Variants in CSMD1 observed in about 807,000 individuals in gnomAD.
CSMD1 encodes the protein CUB and sushi domain-containing protein 1.
A neutral mutation model predicts 417.5 loss-of-function variants in CSMD1; 213 were observed. That is an observed-to-expected ratio of 0.51 (90% CI 0.46 to 0.57). The LOEUF is 0.57. CSMD1 is among the 20% of genes least tolerant of loss of function. The pLI is 0.00. For missense variants in CSMD1, 6,923 were observed against 4,529.7 expected (o/e 1.53, Z -15.17); for synonymous variants, 2,862 against 1,736.8 (o/e 1.65, Z -16.11).
At chr8:4,017,024 G>A (rs866601667) in intron 4 of CSMD1, among the ~76,000 whole-genome samples, 12 of 152,172 alleles carry the variant, frequency 7.9e-5, no homozygotes, top group African/African-American at 2.2e-4. Context: ...TCAGAAGGAA[G>A]AGCCACATCA....
chr8:4,018,738 G>T (rs554161453), intron 4 of CSMD1, among the ~76,000 whole-genome samples: 4 of 152,110 alleles, frequency 2.6e-5, no homozygotes, highest in African/African-American at 9.7e-5. Context: ...AGAAGAGAAC[G>T]GACAGCATGT....
chr8:4,241,021 A>G lies in CSMD1; in HGVS notation c.415+178932T>C, dbSNP rs1279069720. Among the ~76,000 whole-genome samples, 3 of 152,292 alleles carry G rather than the reference A, an allele frequency of 2.0e-5. No individual in the cohort carries two copies. In the East Asian group the frequency reaches 5.8e-4, roughly 29 times the overall value. ...GTCTCAGTGAAAACCCATCTGACTG[A>G]CTAGTGTTATTTCTTAGTCTTTTAA... is the stretch of plus-strand genomic sequence containing the variant. On this transcript the variant is annotated intron_variant, in intron 3 of 69. Coordinates refer to ENST00000635120, the MANE Select transcript of CSMD1 (RefSeq NM_033225.6).
chr8:4,981,518 T>C (rs1310000826), intron 1 of CSMD1, among the ~76,000 whole-genome samples: 1 of 152,252 alleles, frequency 6.6e-6, no homozygotes, highest in Non-Finnish European at 1.5e-5. Context: ...CAATGTTTAA[T>C]GCACTGCTTT....
At chr8:4,330,455 T>G (rs557338507) in intron 3 of CSMD1, among the ~76,000 whole-genome samples, 159 of 152,116 alleles carry the variant, frequency 1.0e-3, no homozygotes, top group Non-Finnish European at 2.0e-3. Flanking sequence ...CCATGCATGT[T>G]GGCAGGTGCC....
chr8:4,001,695 G>T (rs1032442203), intron 4 of CSMD1, among the ~76,000 whole-genome samples: 1 of 152,168 alleles, frequency 6.6e-6, no homozygotes, highest in South Asian at 2.1e-4. Flanking sequence ...TGATGAATGA[G>T]TGGATCATGG....
chr8:4,278,322 C>G (rs538030755), intron 3 of CSMD1, among the ~76,000 whole-genome samples: 1 of 152,192 alleles, frequency 6.6e-6, no homozygotes, highest in African/African-American at 2.4e-5. Context: ...TGCTGGTAAT[C>G]TACAAAATGG....
chr8:4,278,806 A>T (rs1234505309), intron 3 of CSMD1, among the ~76,000 whole-genome samples: 1 of 152,216 alleles, frequency 6.6e-6, no homozygotes, highest in Non-Finnish European at 1.5e-5. Flanking sequence ...ATTTGTGTTT[A>T]TAAATTTGGC....
At chr8:4,519,869 G>A (rs1409510379) in intron 2 of CSMD1, among the ~76,000 whole-genome samples, 1 of 149,226 alleles carries the variant, frequency 6.7e-6, no homozygotes, top group South Asian at 2.1e-4. Context: ...CACTAGATTT[G>A]GTTCATGAGG....
At chr8:3,394,892 T>C (rs1811593884) in intron 17 of CSMD1, among the ~76,000 whole-genome samples, 1 of 152,192 alleles carries the variant, frequency 6.6e-6, no homozygotes, top group South Asian at 2.1e-4. Context: ...TGTCATTAAG[T>C]CATTGATAAG....
At chr8:3,518,279 A>T (rs7831146) in intron 10 of CSMD1, among the ~76,000 whole-genome samples, 4 of 152,172 alleles carry the variant, frequency 2.6e-5, no homozygotes, top group East Asian at 1.9e-4. Context: ...AAATTATATA[A>T]GAGAGAATTA....
chr8:3,275,747 A>T (rs1339957136), intron 26 of CSMD1, among the ~76,000 whole-genome samples: 8 of 152,052 alleles, frequency 5.3e-5, no homozygotes, highest in Non-Finnish European at 8.8e-5. Flanking sequence ...TGCATTCTTC[A>T]CGTAGTTCTG....
chr8:4,902,398 C>G (rs1009283896), intron 1 of CSMD1, among the ~76,000 whole-genome samples: 4 of 148,222 alleles, frequency 2.7e-5, no homozygotes, highest in African/African-American at 9.9e-5. Context: ...GATTGTGCCA[C>G]TTAGCAACAG....
chr8:4,055,471 T>C (rs779322286), intron 3 of CSMD1, among the ~76,000 whole-genome samples: 5 of 152,036 alleles, frequency 3.3e-5, no homozygotes, highest in Non-Finnish European at 7.4e-5. Flanking sequence ...ATAAATTATA[T>C]GAAATACATA....
intron 7 of CSMD1, among the ~76,000 whole-genome samples, chr8:3,624,732 G>C (rs1479408046): frequency 2.6e-5 from 4 of 152,194 alleles, no homozygotes; most frequent in Admixed American, 6.5e-5. Context: ...GTGTTTGAGG[G>C]ACACTCTAGA....
At chr8:3,120,315 A>T (rs1159831137) in intron 41 of CSMD1, among the ~76,000 whole-genome samples, 3 of 152,192 alleles carry the variant, frequency 2.0e-5, no homozygotes, top group African/African-American at 7.2e-5. Flanking sequence ...TATTAAAGCA[A>T]TTGGACATCA....
chr8:4,022,589 G>C (rs551019482), intron 4 of CSMD1, among the ~76,000 whole-genome samples: 2 of 152,294 alleles, frequency 1.3e-5, no homozygotes, highest in Admixed American at 6.5e-5. Flanking sequence ...GTAAAGAGAA[G>C]CCTCCAAGTT....
At chr8:3,151,349 G>A (rs1819181598) in intron 40 of CSMD1, 48 bp downstream of exon 40, 2 of 1,190,204 alleles carry the variant, frequency 1.7e-6, no homozygotes, top group Non-Finnish European at 2.5e-6. Context: ...TTTCCAAGAT[G>A]GAAATGAAAA....
Position 4,703,965 on chromosome 8 carries a change from A to T in CSMD1, c.86-66407T>A, listed in dbSNP as rs189764338. 6.4e-3 allele frequency among the ~76,000 whole-genome samples: 976 copies of T among 152,242 alleles called. 8 individuals carry two copies. Among genetic ancestry groups the T allele is most frequent in the Middle Eastern group, 0.027 (8 of 294 alleles). On this transcript the variant is annotated intron_variant, in intron 1 of 69. Transcript: ENST00000635120. ...AGCACACAACCTAGATCCCTCACACATGCAGTTCACAGTAGGTTTCATGCT... is the reference window on the plus strand; with the variant it reads ...AGCACACAACCTAGATCCCTCACACTTGCAGTTCACAGTAGGTTTCATGCT...
At chr8:4,327,829 G>C (rs886332069) in intron 3 of CSMD1, among the ~76,000 whole-genome samples, 3 of 152,028 alleles carry the variant, frequency 2.0e-5, no homozygotes, top group East Asian at 1.9e-4. Context: ...TATAAAGTAA[G>C]GTACATTTTT....
Sources: allele counts gnomAD v4.1 joint callset (sites outside exome capture counted in the v4.1 genomes callset), GRCh38; gene constraint gnomAD v4.1.1; transcripts MANE v1.5; gene names NCBI Gene and HGNC (gene_info 2026-07-23, HGNC 2026-07-21).